TAFA1: variants seen among roughly 807,000 people sequenced by gnomAD.
TAFA1 encodes chemokine-like protein TAFA-1.
In TAFA1, 4 loss-of-function variants were observed where a neutral mutation model predicts 18.5. The observed-to-expected ratio is 0.22, with a 90% CI of 0.11 to 0.49. The LOEUF (loss-of-function observed/expected upper bound fraction) is 0.49, where lower values mean the gene tolerates loss of function less well. TAFA1 is among the 20% of genes least tolerant of loss of function. The pLI is 0.98. For synonymous variants in TAFA1, 56 were observed against 55.2 expected (o/e 1.01, Z -0.06); for missense variants, 147 against 169.0 (o/e 0.87, Z 0.72).
chr3:68,301,292 A>G (rs1329005538), intron 2 of TAFA1, among the ~76,000 whole-genome samples: 1 of 152,132 alleles, frequency 6.6e-6, no homozygotes, highest in Non-Finnish European at 1.5e-5. Flanking sequence ...ATCTCACTAC[A>G]TAAATTTTTC....
intron 2 of TAFA1, among the ~76,000 whole-genome samples, chr3:68,088,797 G>T (rs1169131822): frequency 2.0e-5 from 3 of 152,140 alleles, no homozygotes; most frequent in Admixed American, 2.0e-4. Context: ...AAAGTCAAAT[G>T]CAGAAGTGGA....
chr3:68,360,135 G>A (rs905444424), intron 2 of TAFA1, among the ~76,000 whole-genome samples: 1 of 151,874 alleles, frequency 6.6e-6, no homozygotes, highest in Non-Finnish European at 1.5e-5. Flanking sequence ...CAACTTTGAT[G>A]GCACTTCAGT....
intron 3 of TAFA1, among the ~76,000 whole-genome samples, chr3:68,517,948 TCACACACAC>T (rs1272062283): frequency 2.0e-5 from 2 of 101,150 alleles, no homozygotes; most frequent in African/African-American, 7.3e-5. Context: ...ACACACACAC[TCACACACAC>T]TCGCACACTT....
intron 2 of TAFA1, among the ~76,000 whole-genome samples, chr3:68,370,813 A>G (rs2069691893): frequency 7.1e-6 from 1 of 140,062 alleles, no homozygotes; most frequent in Non-Finnish European, 1.5e-5. Flanking sequence ...GTCTGGACTC[A>G]TAATCCCTGA....
chr3:68,433,856 G>T (rs1237436956), intron 3 of TAFA1, among the ~76,000 whole-genome samples: 1 of 152,108 alleles, frequency 6.6e-6, no homozygotes, highest in Non-Finnish European at 1.5e-5. Context: ...ATTGATGTGA[G>T]ATACAGATTT....
chr3:68,261,008 T>C (rs890903369), intron 2 of TAFA1, among the ~76,000 whole-genome samples: 24 of 152,128 alleles, frequency 1.6e-4, no homozygotes, highest in Admixed American at 3.3e-4. Flanking sequence ...AGAAAATTTT[T>C]GCAACCTACT....
At chr3:68,030,112 C>A in intron 2 of TAFA1, among the ~76,000 whole-genome samples, 1 of 152,150 alleles carries the variant, frequency 6.6e-6, no homozygotes, top group South Asian at 2.1e-4. Context: ...AGAGAATATA[C>A]TTAAAATATC....
intron 2 of TAFA1, among the ~76,000 whole-genome samples, chr3:68,260,374 A>C (rs1257402817): frequency 1.3e-5 from 2 of 152,096 alleles, no homozygotes; most frequent in African/African-American, 4.8e-5. Flanking sequence ...ATCAATGTTC[A>C]TCAAGGATAT....
rs377541993 is a variant in TAFA1 at position 68,451,433 on chromosome 3, G to A, written c.259+34013G>A. Among the ~76,000 whole-genome samples the A allele has an allele frequency of 5.9e-5, 9 of 152,200 alleles. No individual in the cohort carries two copies. In the South Asian group the frequency reaches 1.9e-3, roughly 32 times the overall value. On this transcript the variant is annotated intron_variant, in intron 3 of 4. Coordinates refer to ENST00000478136, the MANE Select transcript of TAFA1 (RefSeq NM_213609.4). ...AGAGGAGGAACTTGAAGGAATGCAA[G>A]ACAAAGTAAACGACTAATTTAGTGA... is the stretch of plus-strand genomic sequence containing the variant.
intron 3 of TAFA1, among the ~76,000 whole-genome samples, chr3:68,472,810 T>C (rs567159839): frequency 1.1e-4 from 16 of 152,292 alleles, no homozygotes; most frequent in Admixed American, 9.8e-4. Flanking sequence ...AGCAACTTTT[T>C]GGAGAAGTGT....
intron 2 of TAFA1, among the ~76,000 whole-genome samples, chr3:68,141,057 G>A (rs919850485): frequency 1.3e-5 from 2 of 152,104 alleles, no homozygotes; most frequent in African/African-American, 4.8e-5. Context: ...TGCCTATGAG[G>A]TTGTCAGACT....
chr3:68,482,276 G>A (rs2072252485), intron 3 of TAFA1, among the ~76,000 whole-genome samples: 2 of 152,150 alleles, frequency 1.3e-5, no homozygotes, highest in African/African-American at 4.8e-5. Context: ...CAAAGTGCTG[G>A]GATTGCAGGT....
At chr3:68,214,465 G>A (rs2066631334) in intron 2 of TAFA1, among the ~76,000 whole-genome samples, 2 of 151,962 alleles carry the variant, frequency 1.3e-5, no homozygotes, top group Non-Finnish European at 2.9e-5. Flanking sequence ...GTGTGATTAA[G>A]TTCTGGCCAC....
intron 3 of TAFA1, among the ~76,000 whole-genome samples, chr3:68,474,945 A>G (rs542536394): frequency 1.3e-5 from 2 of 152,140 alleles, no homozygotes; most frequent in Admixed American, 6.5e-5. Flanking sequence ...TTATATTACA[A>G]AAGTGGAGAG....
chr3:68,453,836 C>T (rs1245135182), intron 3 of TAFA1, among the ~76,000 whole-genome samples: 1 of 152,132 alleles, frequency 6.6e-6, no homozygotes, highest in Non-Finnish European at 1.5e-5. Context: ...TCATATTTCC[C>T]ATAATCCTCT....
chr3:68,316,411 A>G (rs72626969), intron 2 of TAFA1, among the ~76,000 whole-genome samples: 3,939 of 152,288 alleles, frequency 0.026, 90 homozygotes, highest in East Asian at 0.098. Flanking sequence ...CTTAACCAAT[A>G]CAGTTTCATG....
chr3:68,125,167 C>T (rs1283186113), intron 2 of TAFA1, among the ~76,000 whole-genome samples: 1 of 152,174 alleles, frequency 6.6e-6, no homozygotes, highest in Non-Finnish European at 1.5e-5. Flanking sequence ...ATCCTGCATC[C>T]CACTGTCTGT....
Position 68,389,879 on chromosome 3 carries a change from G to T in TAFA1, c.119-27401G>T, listed in dbSNP as rs1039220411. Reference sequence around the variant, plus strand: ...TCTTTGCAACCCACAGACCAGATTTGCTTGGGTGCCTACACCACCAGGGCC... The same window carrying T: ...TCTTTGCAACCCACAGACCAGATTTTCTTGGGTGCCTACACCACCAGGGCC... On this transcript the variant is annotated intron_variant, in intron 2 of 4. Transcript: ENST00000478136. 3.9e-5 allele frequency among the ~76,000 whole-genome samples: 6 copies of T among 152,222 alleles called. No homozygotes were observed. The South Asian group carries it at 1.2e-3, about 32-fold the overall frequency.
chr3:68,495,311 G>T (rs1404724822), intron 3 of TAFA1, among the ~76,000 whole-genome samples: 3 of 152,174 alleles, frequency 2.0e-5, no homozygotes, highest in Non-Finnish European at 4.4e-5. Flanking sequence ...ACAAGAAAAA[G>T]AGTTAAATCT....
Sources: allele counts gnomAD v4.1 joint callset (sites outside exome capture counted in the v4.1 genomes callset), GRCh38; gene constraint gnomAD v4.1.1; transcripts MANE v1.5; gene names NCBI Gene and HGNC (gene_info 2026-07-23, HGNC 2026-07-21).